PTPRZ1: variants seen among roughly 807,000 people sequenced by gnomAD.
The protein encoded by PTPRZ1 is receptor-type tyrosine-protein phosphatase zeta.
A neutral mutation model predicts 214.1 loss-of-function variants in PTPRZ1; 82 were observed. The ratio of observed to expected loss-of-function variants is 0.38; its 90% CI spans 0.32 to 0.46. The LOEUF is 0.46. Ranked by LOEUF, PTPRZ1 falls within the 20% of genes least tolerant of loss-of-function variation. The pLI is 1.00. For synonymous variants in PTPRZ1, 945 were observed against 987.9 expected (o/e 0.96, Z 0.81); for missense variants, 2,603 against 2,748.7 (o/e 0.95, Z 1.19).
chr7:122,016,660 T>C (rs1189708083), intron 12 of PTPRZ1, among the ~76,000 whole-genome samples: 1 of 151,814 alleles, frequency 6.6e-6, no homozygotes, highest in Non-Finnish European at 1.5e-5. Context: ...GTGTATATGG[T>C]ATATTTACAT....
At chr7:121,899,251 C>T (rs1794890190) in intron 1 of PTPRZ1, among the ~76,000 whole-genome samples, 1 of 152,042 alleles carries the variant, frequency 6.6e-6, no homozygotes, top group Admixed American at 6.6e-5. Context: ...GCTTATTACC[C>T]AGTTCAAATC....
chr7:121,967,177 G>C (rs926018019), intron 2 of PTPRZ1, among the ~76,000 whole-genome samples: 1 of 152,082 alleles, frequency 6.6e-6, no homozygotes, highest in African/African-American at 2.4e-5. Context: ...GGCAGTTTGG[G>C]TTTAGAGGAC....
chr7:122,046,506 A>G (rs1489070861), intron 23 of PTPRZ1, among the ~76,000 whole-genome samples: 2 of 152,196 alleles, frequency 1.3e-5, no homozygotes, highest in African/African-American at 4.8e-5. Flanking sequence ...ACAGGTAAGG[A>G]TGCAACTTAC....
chr7:121,974,526 C>T (rs1471206363), intron 4 of PTPRZ1, among the ~76,000 whole-genome samples: 4 of 152,078 alleles, frequency 2.6e-5, no homozygotes, highest in East Asian at 1.9e-4. Context: ...CTCGCCCTGT[C>T]GCCCAGGCTG....
Position 121,983,744 on chromosome 7 carries a change from C to T in PTPRZ1, c.699C>T (p.Gly233=). 2 of 1,613,670 alleles carry T rather than the reference C, an allele frequency of 1.2e-6. No homozygotes were observed. Among genetic ancestry groups the T allele is most frequent in the South Asian group, 1.1e-5 (1 of 91,066 alleles). The change falls in exon 7 of 30, where the codon GGC becomes GGT. Residue 233 remains glycine (G), a synonymous_variant. Coordinates refer to ENST00000393386, the MANE Select transcript of PTPRZ1 (RefSeq NM_002851.3). ...CTGACAAGTATTACATTTACAATGG[C>T]TCATTGACATCTCCTCCCTGCACAG... ...NSTDKYYIYN[G]SLTSPPCTDT...
Position 122,061,246 on chromosome 7 carries a change from A to G in PTPRZ1, c.*26A>G, listed in dbSNP as rs780484193. 337 of 1,531,678 alleles carry G rather than the reference A, an allele frequency of 2.2e-4. No homozygotes were observed. Among genetic ancestry groups the G allele is most frequent in the Non-Finnish European group, 2.9e-4 (327 of 1,129,790 alleles). The allele number at this position is 1,531,678 out of a possible 1,614,324, so 94.9% of individuals were successfully genotyped here. ...CACAGAAAGGGGTGGGGGAACTCACATCTGAGCATTGTTTTCCTCTTCCTA... is the reference window on the plus strand; with the variant it reads ...CACAGAAAGGGGTGGGGGAACTCACGTCTGAGCATTGTTTTCCTCTTCCTA... On this transcript the variant is annotated 3_prime_UTR_variant, in exon 30 of 30. Coordinates refer to ENST00000393386, the MANE Select transcript of PTPRZ1 (RefSeq NM_002851.3).
chr7:122,048,606 CATA>C (rs1344106075), intron 23 of PTPRZ1, among the ~76,000 whole-genome samples: 1 of 151,878 alleles, frequency 6.6e-6, no homozygotes, highest in Non-Finnish European at 1.5e-5. Context: ...TCATGTTTTC[CATA>C]AATATTACAC....
intron 2 of PTPRZ1, among the ~76,000 whole-genome samples, chr7:121,955,244 G>A (rs1179674983): frequency 6.6e-6 from 1 of 152,192 alleles, no homozygotes; most frequent in Non-Finnish European, 1.5e-5. Context: ...CACTGTCAGA[G>A]ACTTGTGTTG....
At chr7:121,887,729 T>G (rs1584603673) in intron 1 of PTPRZ1, among the ~76,000 whole-genome samples, 1 of 152,128 alleles carries the variant, frequency 6.6e-6, no homozygotes, top group Non-Finnish European at 1.5e-5. Context: ...TTATTCTAAG[T>G]AGCGGTGGGA....
chr7:121,988,419 C>T (rs757457418), intron 8 of PTPRZ1, among the ~76,000 whole-genome samples: 1 of 152,104 alleles, frequency 6.6e-6, no homozygotes, highest in African/African-American at 2.4e-5. Flanking sequence ...CATATTCAGT[C>T]GATTCTTTTT....
intron 1 of PTPRZ1, among the ~76,000 whole-genome samples, chr7:121,903,993 C>CACACAA (rs1232039493): frequency 5.3e-5 from 8 of 151,986 alleles, no homozygotes; most frequent in African/African-American, 1.9e-4. Context: ...CACACACACA[C>CACACAA]ACACACAATA....
intron 1 of PTPRZ1, among the ~76,000 whole-genome samples, chr7:121,890,962 G>A (rs918473073): frequency 2.0e-5 from 3 of 151,998 alleles, no homozygotes; most frequent in African/African-American, 4.8e-5. Flanking sequence ...AAAAACTTGA[G>A]CCACCATGCT....
chr7:121,894,561 A>G (rs945253516), intron 1 of PTPRZ1, among the ~76,000 whole-genome samples: 8 of 152,044 alleles, frequency 5.3e-5, no homozygotes, highest in African/African-American at 1.7e-4. Flanking sequence ...ACGCACTTCC[A>G]TGCCCGGCTA....
chr7:122,059,018 A>G, intron 28 of PTPRZ1, 76 bp downstream of exon 28: 1 of 1,385,892 alleles, frequency 7.2e-7, no homozygotes, highest in Non-Finnish European at 9.8e-7. Flanking sequence ...TCTTCAGACA[A>G]ACCTAATGCT....
At chr7:121,980,847 G>A (rs564707255) in intron 6 of PTPRZ1, among the ~76,000 whole-genome samples, 4 of 152,200 alleles carry the variant, frequency 2.6e-5, no homozygotes, top group Non-Finnish European at 5.9e-5. Flanking sequence ...GGAAAGTGTG[G>A]TTAAGAAAGA....
chr7:121,884,154 G>A (rs114479735), intron 1 of PTPRZ1, among the ~76,000 whole-genome samples: 3,503 of 152,102 alleles, frequency 0.023, 136 homozygotes, highest in African/African-American at 0.08. Context: ...TATTTTAAAA[G>A]TATGACTGAA....
At chr7:121,983,557 G>A in intron 6 of PTPRZ1, 108 bp from the exon 7 acceptor site, 1 of 1,118,188 alleles carries the variant, frequency 8.9e-7, no homozygotes, top group Non-Finnish European at 1.3e-6. Flanking sequence ...CAAAATCTCA[G>A]TTTTGATTAA....
rs1156378066 is a variant in PTPRZ1 at position 122,025,201 on chromosome 7, A to C, written c.4989-3351A>C. On this transcript the variant is annotated intron_variant, in intron 13 of 29. Transcript: ENST00000393386. ...TATAAGCACAAAACAAATATAATAC[A>C]AAACAATTACACTAACCACCAATTA... 2.6e-5 allele frequency among the ~76,000 whole-genome samples: 4 copies of C among 152,218 alleles called. No homozygotes were observed. In the East Asian group the frequency reaches 7.7e-4, roughly 29 times the overall value.
intron 8 of PTPRZ1, among the ~76,000 whole-genome samples, chr7:121,989,627 G>T (rs1172360095): frequency 6.6e-6 from 1 of 152,056 alleles, no homozygotes; most frequent in Non-Finnish European, 1.5e-5. Flanking sequence ...GCCCACCTCG[G>T]CCTCCCAAAG....
Sources: allele counts gnomAD v4.1 joint callset (sites outside exome capture counted in the v4.1 genomes callset), GRCh38; gene constraint gnomAD v4.1.1; transcripts MANE v1.5; gene names NCBI Gene and HGNC (gene_info 2026-07-23, HGNC 2026-07-21).